TESMIN: variants seen among roughly 807,000 people sequenced by gnomAD.
TESMIN encodes the protein CXC domain containing 2.
Under a neutral mutation model 47.4 loss-of-function variants are expected in TESMIN, and 34 were observed. That is an observed-to-expected ratio of 0.72 (90% CI 0.55 to 0.96). TESMIN has a LOEUF of 0.96. Ranked by LOEUF, TESMIN falls within the 40% of genes least tolerant of loss-of-function variation. TESMIN has a pLI of 0.00. For missense variants in TESMIN, 610 were observed against 637.2 expected (o/e 0.96, Z 0.46); for synonymous variants, 278 against 258.9 (o/e 1.07, Z -0.71).
At chr11:68,726,741 C>T (rs140752734) in intron 6 of TESMIN, among the ~76,000 whole-genome samples, 86 of 151,882 alleles carry the variant, frequency 5.7e-4, no homozygotes, top group Non-Finnish European at 9.6e-4. Flanking sequence ...CAAAAGGCCA[C>T]GTGAAGAAAC....
chr11:68,707,503 G>T lies in TESMIN; in HGVS notation c.*805C>A, dbSNP rs1946010257. ...AACAGAACCAAAAGCGTCAACTTAA[G>T]AATTCATTTTACCTGCTGGTTTCCA... On this transcript the variant is annotated 3_prime_UTR_variant, in exon 10 of 10. Transcript: ENST00000255087. 5.5e-6 allele frequency: 1 copy of T among 183,024 alleles called. No individual in the cohort carries two copies. Among genetic ancestry groups the T allele is most frequent in the Non-Finnish European group, 1.2e-5 (1 of 84,490 alleles). 11.3% of individuals were successfully genotyped at this position (183,024 alleles called of 1,614,324 possible).
intron 9 of TESMIN, among the ~76,000 whole-genome samples, chr11:68,710,031 G>A (rs1946043952): frequency 6.6e-6 from 1 of 152,146 alleles, no homozygotes; most frequent in Admixed American, 6.5e-5. Context: ...GGTGGTGCGT[G>A]CCTGTAGTCC....
At chr11:68,712,219 C>T (rs1348314135) in intron 8 of TESMIN, among the ~76,000 whole-genome samples, 1 of 152,232 alleles carries the variant, frequency 6.6e-6, no homozygotes, top group Non-Finnish European at 1.5e-5. Flanking sequence ...AGTTCCATGG[C>T]AGCCAGTGAA....
At chr11:68,714,022 A>G (rs4073959) in intron 7 of TESMIN, among the ~76,000 whole-genome samples, 78,108 of 152,098 alleles carry the variant, frequency 0.51, 21,348 homozygotes, top group East Asian at 0.75. Context: ...AATACACACG[A>G]TATGTTATCC....
intron 5 of TESMIN, among the ~76,000 whole-genome samples, chr11:68,739,283 G>A (rs1412942479): frequency 6.6e-6 from 1 of 152,154 alleles, no homozygotes; most frequent in African/African-American, 2.4e-5. Context: ...CATCATCTCT[G>A]CATTGTCCAT....
intron 6 of TESMIN, among the ~76,000 whole-genome samples, chr11:68,716,415 G>T (rs1946140122): frequency 6.6e-6 from 1 of 152,244 alleles, no homozygotes; most frequent in African/African-American, 2.4e-5. Context: ...GGTGGAACCT[G>T]GCCTAGGCCT....
chr11:68,718,314 G>A (rs556653804), intron 6 of TESMIN, among the ~76,000 whole-genome samples: 2 of 152,304 alleles, frequency 1.3e-5, no homozygotes, highest in African/African-American at 4.8e-5. Flanking sequence ...TAGGAGGAAA[G>A]TGGTATCAAC....
intron 8 of TESMIN, among the ~76,000 whole-genome samples, chr11:68,713,036 C>T (rs1946091560): frequency 6.6e-6 from 1 of 152,178 alleles, no homozygotes. Context: ...GGGCTGGGCT[C>T]AGGGGAAGCA....
At chr11:68,706,972 A>G (rs1168665367), downstream of TESMIN, among the ~76,000 whole-genome samples, 1 of 152,226 alleles carries the variant, frequency 6.6e-6, no homozygotes, top group African/African-American at 2.4e-5. Context: ...CTCCCCCAGC[A>G]GTGCGCCTCC....
In TESMIN at chr11:68,749,358, A is replaced by G. The variant is rs371558775; in HGVS notation, c.471+832T>C. ...CTGCTCTGGCTTATGATACAGGGTC[A>G]GGCTCCAGCCATCTCAATACTGACT... On this transcript the variant is annotated intron_variant, in intron 2 of 9. Transcript: ENST00000255087. 8.6e-4 allele frequency among the ~76,000 whole-genome samples: 131 copies of G among 152,374 alleles called. 2 individuals are homozygous for G. The South Asian group carries it at 0.026, about 30-fold the overall frequency.
At chr11:68,728,323 G>C (rs200547479) in intron 6 of TESMIN, among the ~76,000 whole-genome samples, 1 of 152,144 alleles carries the variant, frequency 6.6e-6, no homozygotes, top group Admixed American at 6.5e-5. Flanking sequence ...AGATGAAACC[G>C]GACAAAGCCT....
chr11:68,740,518 C>G (rs1004422973), intron 5 of TESMIN, among the ~76,000 whole-genome samples: 6 of 152,122 alleles, frequency 3.9e-5, no homozygotes, highest in Non-Finnish European at 8.8e-5. Flanking sequence ...TGTGTGCCTT[C>G]TGGACTGGTG....
Position 68,750,788 on chromosome 11 carries a change from C to T in TESMIN, c.-39-89G>A, listed in dbSNP as rs1318537414. 2.2e-3 allele frequency: 253 copies of T among 114,076 alleles called. 8 individuals carry two copies. In the East Asian group the frequency reaches 0.046, roughly 21 times the overall value. 7.1% of individuals were successfully genotyped at this position (114,076 alleles called of 1,614,324 possible). ...AGGGGACAGCCAAGGGAGGGGCAGC[C>T]AAGGGAGGGGCGGCCAGGGGAGGGG... is the stretch of plus-strand genomic sequence containing the variant. On this transcript the variant is annotated intron_variant, in intron 1 of 9. Coordinates refer to ENST00000255087, the MANE Select transcript of TESMIN (RefSeq NM_004923.3).
intron 2 of TESMIN, among the ~76,000 whole-genome samples, chr11:68,749,885 A>G (rs1946567502): frequency 6.6e-6 from 1 of 152,154 alleles, no homozygotes; most frequent in South Asian, 2.1e-4. Flanking sequence ...GGCCCAAGGG[A>G]ACCTACGTCC....
Position 68,733,951 on chromosome 11 carries a change from G to A in TESMIN, c.917+4749C>T, listed in dbSNP as rs766159588. ...GGAGCCAGTGTGCATGCGGAGCAGG[G>A]TCCTAAGGCTCTTCACCCTTCCCAA... On this transcript the variant is annotated intron_variant, in intron 6 of 9. Transcript: ENST00000255087. Among the ~76,000 whole-genome samples the A allele has an allele frequency of 1.3e-4, 20 of 152,212 alleles. No homozygotes were observed. The South Asian group carries it at 3.5e-3, about 27-fold the overall frequency.
intron 5 of TESMIN, among the ~76,000 whole-genome samples, chr11:68,741,468 C>T (rs1013002617): frequency 2.6e-5 from 4 of 152,228 alleles, no homozygotes; most frequent in Non-Finnish European, 4.4e-5. Context: ...CCCCCCAATC[C>T]GCTTCCTCTG....
At chr11:68,721,097 T>G (rs540023080) in intron 6 of TESMIN, among the ~76,000 whole-genome samples, 1 of 152,216 alleles carries the variant, frequency 6.6e-6, no homozygotes, top group Non-Finnish European at 1.5e-5. Context: ...ATGTTTCCCA[T>G]GTAAATAGAT....
rs560656329 is a variant in TESMIN, at chr11:68,750,551, G to A, written c.110C>T (p.Ala37Val). The A allele has an allele frequency of 1.9e-6, 3 of 1,606,950 alleles. No homozygotes were observed. The Admixed American group carries it at 5.1e-5, about 27-fold the overall frequency. Residue 37 changes from alanine to valine, a missense_variant, in exon 2 of 10, where the codon GCC (alanine) becomes GTC (valine). By Grantham distance (64) the Ala-to-Val change is moderately conservative (BLOSUM62 0). Transcript: ENST00000255087. ...CTCGTCCTCCTCGTACTTCACGGGG[G>A]CCTTCAGGCCGATGTTCTCCGAAGC... ...PFASENIGLKAPVKYEEDEFH... is the reference protein window; with the variant it reads ...PFASENIGLKVPVKYEEDEFH...
intron 8 of TESMIN, 129 bp from the exon 9 acceptor site, chr11:68,711,178 T>C (rs1566311142): frequency 9.9e-6 from 8 of 810,262 alleles, no homozygotes; most frequent in Non-Finnish European, 1.5e-5. Context: ...TGTGTGTCTG[T>C]GTGTGTTGAG....
Sources: gnomAD v4.1 joint callset for allele counts (sites outside exome capture counted in the v4.1 genomes callset) on GRCh38, gnomAD v4.1.1 for gene constraint, MANE v1.5 for transcripts, NCBI Gene and HGNC (gene_info 2026-07-23, HGNC 2026-07-21) for gene names.